The following SORCS1 variants were observed in gnomAD, a reference collection of about 807,000 sequenced individuals.
SORCS1 encodes VPS10 domain-containing receptor SorCS1.
Under a neutral mutation model 146.1 loss-of-function variants are expected in SORCS1, and 60 were observed. That is an observed-to-expected ratio of 0.41 (90% CI 0.33 to 0.51). SORCS1 has a LOEUF of 0.51. Among genes scored for constraint, SORCS1 ranks in the 20% least tolerant of loss-of-function variants. SORCS1 has a pLI of 0.21. For missense variants in SORCS1, 1,352 were observed against 1,487.6 expected (o/e 0.91, Z 1.50); for synonymous variants, 637 against 584.0 (o/e 1.09, Z -1.31).
rs574222057 is a variant in SORCS1 at position 106,912,109 on chromosome 10, T to C, written c.626+44404A>G. Among the ~76,000 whole-genome samples, 115 of 113,904 alleles carry C rather than the reference T, an allele frequency of 1.0e-3. 2 individuals carry two copies. Among genetic ancestry groups the C allele is most frequent in the African/African-American group, 4.1e-3 (110 of 26,808 alleles). The allele number at this position is 113,904 out of a possible 152,430, so 74.7% of individuals were successfully genotyped here. On this transcript the variant is annotated intron_variant, in intron 2 of 25. Transcript: ENST00000263054. ...GCCTGAGCGACAGATTGAGCCTCCG[T>C]CTCAAAAAAAAAAAACAAACAAACA...
chr10:106,934,923 G>A lies in SORCS1; in HGVS notation c.626+21590C>T, dbSNP rs375234674. Reference sequence around the variant, plus strand: ...ACTGGAAACTCAGAAAAGGGAGGGCGGAAGGGGAAGTGAGGAATAAAAAAT... The same window carrying A: ...ACTGGAAACTCAGAAAAGGGAGGGCAGAAGGGGAAGTGAGGAATAAAAAAT... On this transcript the variant is annotated intron_variant, in intron 2 of 25. Coordinates refer to ENST00000263054, the MANE Select transcript of SORCS1 (RefSeq NM_052918.5). Among the ~76,000 whole-genome samples the A allele has an allele frequency of 1.3e-4, 20 of 152,132 alleles. No individual in the cohort carries two copies. In the South Asian group the frequency reaches 2.1e-3, roughly 16 times the overall value.
At chr10:106,772,661 C>T (rs918909617) in intron 4 of SORCS1, among the ~76,000 whole-genome samples, 4 of 152,184 alleles carry the variant, frequency 2.6e-5, no homozygotes, top group Non-Finnish European at 5.9e-5. Context: ...CATACACATT[C>T]TTCCCTGATT....
chr10:107,077,855 A>G (rs1289963518), intron 1 of SORCS1, among the ~76,000 whole-genome samples: 1 of 152,166 alleles, frequency 6.6e-6, no homozygotes, highest in Non-Finnish European at 1.5e-5. Context: ...TGGTAATTAG[A>G]AAAGAAGGGG....
At chr10:106,773,503 G>A (rs572911196) in intron 4 of SORCS1, among the ~76,000 whole-genome samples, 2 of 152,152 alleles carry the variant, frequency 1.3e-5, no homozygotes, top group African/African-American at 4.8e-5. Context: ...CTTGAGATAC[G>A]GAGGTCTTCT....
intron 1 of SORCS1, among the ~76,000 whole-genome samples, chr10:107,086,350 T>C (rs1449565986): frequency 6.6e-6 from 1 of 152,222 alleles, no homozygotes; most frequent in Non-Finnish European, 1.5e-5. Flanking sequence ...GGCGGATACC[T>C]AACCTCATTT....
chr10:107,059,183 C>A (rs1256526388), intron 1 of SORCS1, among the ~76,000 whole-genome samples: 1 of 152,174 alleles, frequency 6.6e-6, no homozygotes, highest in African/African-American at 2.4e-5. Context: ...TCACTAGAAC[C>A]TAGGGTTACA....
chr10:106,612,288 G>A (rs1847048357), intron 21 of SORCS1, among the ~76,000 whole-genome samples: 1 of 151,916 alleles, frequency 6.6e-6, no homozygotes, highest in East Asian at 2.0e-4. Context: ...GACAGAGGGA[G>A]GGGGCTACAA....
chr10:106,869,456 C>T (rs1375019597), intron 2 of SORCS1, among the ~76,000 whole-genome samples: 1 of 152,150 alleles, frequency 6.6e-6, no homozygotes, highest in African/African-American at 2.4e-5. Flanking sequence ...AAAATACTTG[C>T]AAACTGAATC....
chr10:107,127,622 A>T (rs1004424192), intron 1 of SORCS1, among the ~76,000 whole-genome samples: 3 of 152,180 alleles, frequency 2.0e-5, no homozygotes, highest in African/African-American at 7.2e-5. Context: ...CTCTGTGAAC[A>T]TCTCACGCCT....
intron 9 of SORCS1, among the ~76,000 whole-genome samples, chr10:106,694,554 C>CATTCAAT (rs1302715309): frequency 6.6e-6 from 1 of 152,188 alleles, no homozygotes; most frequent in African/African-American, 2.4e-5. Flanking sequence ...GCCAATAGTA[C>CATTCAAT]ATTCAATATC....
chr10:106,886,774 T>C (rs550593534), intron 2 of SORCS1, among the ~76,000 whole-genome samples: 1 of 152,308 alleles, frequency 6.6e-6, no homozygotes, highest in African/African-American at 2.4e-5. Flanking sequence ...CTCAGACAGA[T>C]TTAAGTGGAA....
chr10:107,087,958 A>G (rs1040115024), intron 1 of SORCS1, among the ~76,000 whole-genome samples: 4 of 152,130 alleles, frequency 2.6e-5, no homozygotes, highest in African/African-American at 4.8e-5. Flanking sequence ...TCGCTCTGTC[A>G]CCCAGGCTGC....
intron 24 of SORCS1, among the ~76,000 whole-genome samples, chr10:106,583,779 G>C (rs375437452): frequency 2.6e-5 from 4 of 151,992 alleles, no homozygotes; most frequent in African/African-American, 7.2e-5. Context: ...AAAGTGCTGG[G>C]ATTACAGGTG....
intron 11 of SORCS1, 69 bp from the exon 12 acceptor site, chr10:106,679,401 G>C: frequency 7.8e-7 from 1 of 1,278,414 alleles, no homozygotes; most frequent in Non-Finnish European, 1.1e-6. Flanking sequence ...ATATTGGCAG[G>C]TGCACTGCCT....
At chr10:106,727,917 G>A (rs781681248) in intron 6 of SORCS1, among the ~76,000 whole-genome samples, 26 of 152,196 alleles carry the variant, frequency 1.7e-4, no homozygotes, top group Non-Finnish European at 5.9e-5. Context: ...TGCAGGCAAC[G>A]AGTGAGGAGA....
At chr10:106,602,781 T>C (rs922165689) in intron 23 of SORCS1, among the ~76,000 whole-genome samples, 1 of 152,226 alleles carries the variant, frequency 6.6e-6, no homozygotes, top group Non-Finnish European at 1.5e-5. Flanking sequence ...CTCCAGAGTA[T>C]TTTTGTAATT....
In SORCS1 at chr10:106,825,240, A is replaced by G. The variant is rs530589062; in HGVS notation, c.726+4334T>C. On this transcript the variant is annotated intron_variant, in intron 3 of 25. Coordinates refer to ENST00000263054, the MANE Select transcript of SORCS1 (RefSeq NM_052918.5). ...TTAGGCAGAATACACATCAACTCAG[A>G]GAATTTGAGAGTGAAATTGAGATTT... Among the ~76,000 whole-genome samples, 11 of 151,080 alleles carry G rather than the reference A, an allele frequency of 7.3e-5. No homozygotes were observed. The East Asian group carries it at 2.0e-3, about 27-fold the overall frequency.
chr10:107,045,626 G>A (rs906736150), intron 1 of SORCS1, among the ~76,000 whole-genome samples: 1 of 151,958 alleles, frequency 6.6e-6, no homozygotes, highest in Non-Finnish European at 1.5e-5. Flanking sequence ...GAATGCCTAA[G>A]GCACACACAA....
chr10:106,580,226 G>A (rs1316621426), intron 24 of SORCS1, among the ~76,000 whole-genome samples: 1 of 152,160 alleles, frequency 6.6e-6, no homozygotes, highest in Non-Finnish European at 1.5e-5. Flanking sequence ...CTGAAGGAGG[G>A]ATATGCCACC....
Sources: gnomAD v4.1 joint callset for allele counts (sites outside exome capture counted in the v4.1 genomes callset) on GRCh38, gnomAD v4.1.1 for gene constraint, MANE v1.5 for transcripts, NCBI Gene and HGNC (gene_info 2026-07-23, HGNC 2026-07-21) for gene names.